PDE1C: variants seen among roughly 807,000 people sequenced by gnomAD.
PDE1C encodes dual specificity calcium/calmodulin-dependent 3',5'-cyclic nucleotide phosphodiesterase 1C.
A neutral mutation model predicts 93.1 loss-of-function variants in PDE1C; 62 were observed. The ratio of observed to expected loss-of-function variants is 0.67; its 90% CI spans 0.54 to 0.82. The LOEUF is 0.82. PDE1C is among the 40% of genes least tolerant of loss of function. The pLI is 0.00. For synonymous variants in PDE1C, 325 were observed against 310.1 expected (o/e 1.05, Z -0.50); for missense variants, 742 against 884.6 (o/e 0.84, Z 2.04).
intron 2 of PDE1C, among the ~76,000 whole-genome samples, chr7:32,040,068 T>A (rs1791608083): frequency 6.6e-6 from 1 of 152,212 alleles, no homozygotes; most frequent in South Asian, 2.1e-4. Context: ...AATGTAAATG[T>A]ATCTAATACA....
chr7:32,310,310 T>C (rs574745961), intron 1 of PDE1C, among the ~76,000 whole-genome samples: 3 of 152,184 alleles, frequency 2.0e-5, no homozygotes, highest in East Asian at 1.9e-4. Flanking sequence ...TGGGAGACTT[T>C]AACACCCCAC....
intron 2 of PDE1C, among the ~76,000 whole-genome samples, chr7:31,988,257 A>G (rs1691253674): frequency 1.3e-5 from 2 of 152,232 alleles, no homozygotes; most frequent in South Asian, 4.1e-4. Context: ...CACTCTGCCC[A>G]GACGCCTACA....
chr7:31,686,454 T>C, the PDE1C span, among the ~76,000 whole-genome samples: 2 of 152,232 alleles, frequency 1.3e-5, no homozygotes, highest in Non-Finnish European at 2.9e-5. Context: ...AGGAAATTTT[T>C]TCTGGCCTGC....
intron 1 of PDE1C, among the ~76,000 whole-genome samples, chr7:32,069,306 A>T (rs1386113527): frequency 1.3e-5 from 2 of 152,228 alleles, no homozygotes; most frequent in Non-Finnish European, 2.9e-5. Context: ...GCAGCAAAAC[A>T]AACAAACTGG....
At chr7:31,830,209 A>C (rs934967371) in intron 11 of PDE1C, among the ~76,000 whole-genome samples, 1 of 152,184 alleles carries the variant, frequency 6.6e-6, no homozygotes, top group African/African-American at 2.4e-5. Context: ...TGAAAAAAAA[A>C]AACAGTGCTG....
chr7:31,913,011 T>G (rs1801441282), intron 2 of PDE1C, among the ~76,000 whole-genome samples: 2 of 152,208 alleles, frequency 1.3e-5, no homozygotes, highest in African/African-American at 4.8e-5. Context: ...ATATTTCATA[T>G]TTTAACCTGT....
the PDE1C span, among the ~76,000 whole-genome samples, chr7:31,638,923 C>T: frequency 3.3e-5 from 5 of 152,048 alleles, no homozygotes; most frequent in Non-Finnish European, 5.9e-5. Context: ...ATTACAGGCA[C>T]CTGCCACCAC....
chr7:32,092,564 G>T (rs960541738), intron 3 of PDE1C, among the ~76,000 whole-genome samples: 9 of 152,202 alleles, frequency 5.9e-5, no homozygotes, highest in African/African-American at 2.2e-4. Flanking sequence ...TGAGCCATCA[G>T]CTCTGAACAC....
At chr7:32,099,701 T>A (rs1054702279) in intron 3 of PDE1C, among the ~76,000 whole-genome samples, 1 of 152,184 alleles carries the variant, frequency 6.6e-6, no homozygotes, top group African/African-American at 2.4e-5. Context: ...CTCCCATCAC[T>A]CTTACGTTTC....
chr7:32,203,752 C>A (rs1398083637), intron 2 of PDE1C, among the ~76,000 whole-genome samples: 1 of 152,142 alleles, frequency 6.6e-6, no homozygotes, highest in Non-Finnish European at 1.5e-5. Flanking sequence ...GTCTACCCTC[C>A]GCAAATTTAA....
chr7:32,286,245 A>T (rs910234877), intron 1 of PDE1C, among the ~76,000 whole-genome samples: 1 of 152,210 alleles, frequency 6.6e-6, no homozygotes, highest in East Asian at 1.9e-4. Context: ...TTTACTGAAG[A>T]TATGTCCCAC....
chr7:31,965,006 A>G (rs949284293), intron 2 of PDE1C, among the ~76,000 whole-genome samples: 9 of 152,286 alleles, frequency 5.9e-5, no homozygotes, highest in African/African-American at 1.2e-4. Context: ...AAAGATGGGG[A>G]AAAAAACAGA....
chr7:31,767,482 T>C (rs1795219835), intron 17 of PDE1C, among the ~76,000 whole-genome samples: 2 of 152,184 alleles, frequency 1.3e-5, no homozygotes, highest in Admixed American at 1.3e-4. Context: ...CCCTTCACCT[T>C]CTGCCATGAC....
At chr7:31,866,774 C>A (rs537821501) in intron 6 of PDE1C, among the ~76,000 whole-genome samples, 4 of 152,150 alleles carry the variant, frequency 2.6e-5, no homozygotes, top group African/African-American at 9.6e-5. Context: ...TGGCTGGAAT[C>A]CTGGAGAGGC....
chr7:32,177,510 G>T (rs989655197), intron 2 of PDE1C, among the ~76,000 whole-genome samples: 1 of 152,122 alleles, frequency 6.6e-6, no homozygotes, highest in Non-Finnish European at 1.5e-5. Flanking sequence ...TCAGGGGTGT[G>T]CCTTTCAAAT....
chr7:32,361,561 T>C (rs1784137141), intron 1 of PDE1C, among the ~76,000 whole-genome samples: 1 of 152,194 alleles, frequency 6.6e-6, no homozygotes, highest in Non-Finnish European at 1.5e-5. Flanking sequence ...ATGCCACGCA[T>C]GCCCACCACT....
Position 32,063,249 on chromosome 7 carries a change from C to T in PDE1C, c.101+7044G>A, listed in dbSNP as rs532638228. Among the ~76,000 whole-genome samples the T allele has an allele frequency of 2.0e-4, 30 of 152,240 alleles. 1 individual carries two copies. The highest frequency in any genetic ancestry group is 2.1e-4 in the South Asian group (1 of 4,824). On this transcript the variant is annotated intron_variant, in intron 1 of 17. Transcript: ENST00000396191. ...GGTGCAAAAGTAATGCGGTTTTTGCCGCTAAAACTAACAGCAAAAACTGCA... is the reference window on the plus strand; with the variant it reads ...GGTGCAAAAGTAATGCGGTTTTTGCTGCTAAAACTAACAGCAAAAACTGCA...
chr7:32,335,245 T>C (rs568425063), intron 1 of PDE1C, among the ~76,000 whole-genome samples: 2 of 152,300 alleles, frequency 1.3e-5, no homozygotes, highest in East Asian at 3.9e-4. Context: ...GTCTGGCCTC[T>C]CCCTGAGTGT....
chr7:32,373,307 A>G (rs111979958), intron 1 of PDE1C, among the ~76,000 whole-genome samples: 11 of 152,284 alleles, frequency 7.2e-5, no homozygotes, highest in African/African-American at 2.7e-4. Flanking sequence ...TGACTGATAC[A>G]TGCTACAATG....
Sources: allele counts gnomAD v4.1 joint callset (sites outside exome capture counted in the v4.1 genomes callset), GRCh38; gene constraint gnomAD v4.1.1; transcripts MANE v1.5; gene names NCBI Gene and HGNC (gene_info 2026-07-23, HGNC 2026-07-21).